Variants in CSMD1 observed in about 807,000 individuals in gnomAD.
The protein encoded by CSMD1 is CUB and sushi domain-containing protein 1.
A neutral mutation model predicts 417.5 loss-of-function variants in CSMD1; 213 were observed. The observed-to-expected ratio is 0.51, with a 90% CI of 0.46 to 0.57. The LOEUF is 0.57. Among genes scored for constraint, CSMD1 ranks in the 20% least tolerant of loss-of-function variants. The pLI is 0.00. For missense variants in CSMD1, 6,923 were observed against 4,529.7 expected (o/e 1.53, Z -15.17); for synonymous variants, 2,862 against 1,736.8 (o/e 1.65, Z -16.11).
chr8:3,772,643 A>T (rs796800540), intron 5 of CSMD1, among the ~76,000 whole-genome samples: 1 of 74,536 alleles, frequency 1.3e-5, no homozygotes, highest in African/African-American at 8.7e-5. Context: ...ATTTATATAC[A>T]TATATACATA....
chr8:3,678,036 T>G (rs531022067), intron 7 of CSMD1, among the ~76,000 whole-genome samples: 1 of 152,222 alleles, frequency 6.6e-6, no homozygotes, highest in Admixed American at 6.5e-5. Flanking sequence ...TGTCAATATT[T>G]AAAGACAGTG....
chr8:4,637,826 G>A (rs961347212), intron 1 of CSMD1, among the ~76,000 whole-genome samples: 47 of 151,500 alleles, frequency 3.1e-4, no homozygotes, highest in Admixed American at 9.2e-4. Flanking sequence ...GCCCGCCACC[G>A]CGCCCGGCTA....
intron 3 of CSMD1, among the ~76,000 whole-genome samples, chr8:4,125,947 G>A (rs1348721695): frequency 6.6e-6 from 1 of 152,060 alleles, no homozygotes; most frequent in African/African-American, 2.4e-5. Context: ...TGCTTCTGGG[G>A]ATCACATTAC....
intron 51 of CSMD1, among the ~76,000 whole-genome samples, chr8:3,026,528 C>T (rs1335826121): frequency 1.3e-5 from 2 of 151,588 alleles, no homozygotes; most frequent in Admixed American, 1.3e-4. Flanking sequence ...CACTCAGCCT[C>T]ACGGGGCCTG....
intron 2 of CSMD1, among the ~76,000 whole-genome samples, chr8:4,607,376 G>T (rs887158753): frequency 1.3e-5 from 2 of 152,224 alleles, no homozygotes; most frequent in South Asian, 2.1e-4. Flanking sequence ...GGAATAATAC[G>T]GAGTAGTTGC....
intron 12 of CSMD1, among the ~76,000 whole-genome samples, chr8:3,419,305 C>T (rs1446851683): frequency 1.3e-5 from 2 of 152,062 alleles, no homozygotes; most frequent in East Asian, 3.9e-4. Context: ...CTGTAAACTT[C>T]AAAAATAAAA....
intron 2 of CSMD1, among the ~76,000 whole-genome samples, chr8:4,421,427 T>G (rs1222948190): frequency 2.0e-5 from 3 of 152,048 alleles, no homozygotes; most frequent in Non-Finnish European, 2.9e-5. Context: ...TAAACCATAT[T>G]CGAGGCCATA....
intron 52 of CSMD1, among the ~76,000 whole-genome samples, chr8:3,003,519 T>C (rs187665510): frequency 2.6e-5 from 4 of 152,366 alleles, no homozygotes; most frequent in Admixed American, 2.0e-4. Context: ...CACTGGGCAG[T>C]CATGTCCTTT....
At chr8:4,515,297 G>A (rs1330777860) in intron 2 of CSMD1, among the ~76,000 whole-genome samples, 2 of 152,198 alleles carry the variant, frequency 1.3e-5, no homozygotes, top group African/African-American at 4.8e-5. Flanking sequence ...TGTGGCTCAT[G>A]TACTCAGAGA....
At chr8:4,265,590 T>C (rs1433899267) in intron 3 of CSMD1, among the ~76,000 whole-genome samples, 1 of 105,278 alleles carries the variant, frequency 9.5e-6, no homozygotes, top group Non-Finnish European at 2.6e-5. Context: ...TTTTATGGAA[T>C]ACAAAACAAG....
chr8:3,207,539 T>G (rs1401680892), intron 30 of CSMD1, among the ~76,000 whole-genome samples: 1 of 152,192 alleles, frequency 6.6e-6, no homozygotes, highest in African/African-American at 2.4e-5. Context: ...TATTAATTGA[T>G]GGACAGAACA....
At chr8:4,320,999 T>C (rs749049299) in intron 3 of CSMD1, among the ~76,000 whole-genome samples, 1 of 152,186 alleles carries the variant, frequency 6.6e-6, no homozygotes, top group African/African-American at 2.4e-5. Context: ...TACCAGTTTC[T>C]CTGTAAATTA....
intron 54 of CSMD1, among the ~76,000 whole-genome samples, chr8:2,992,347 A>G (rs1806470036): frequency 6.6e-6 from 1 of 152,180 alleles, no homozygotes. Context: ...TGGTTGCACA[A>G]CATGGTCATG....
rs1376755983 is a variant in CSMD1 at position 3,109,060 on chromosome 8, T to G, written c.6609-312A>C. 2.6e-5 allele frequency among the ~76,000 whole-genome samples: 4 copies of G among 151,396 alleles called. No homozygotes were observed. In the East Asian group the frequency reaches 7.8e-4, roughly 30 times the overall value. On this transcript the variant is annotated intron_variant, in intron 43 of 69. Coordinates refer to ENST00000635120, the MANE Select transcript of CSMD1 (RefSeq NM_033225.6). ...CAGGCAGATCACCTGAGGTCAGGAGTTTGAGACCAGCCTGGCCAACATGGT... is the reference window on the plus strand; with the variant it reads ...CAGGCAGATCACCTGAGGTCAGGAGGTTGAGACCAGCCTGGCCAACATGGT...
At chr8:3,855,263 A>G (rs1172512773) in intron 5 of CSMD1, among the ~76,000 whole-genome samples, 1 of 152,204 alleles carries the variant, frequency 6.6e-6, no homozygotes, top group Non-Finnish European at 1.5e-5. Flanking sequence ...TTTTTACTAT[A>G]TTGCATACAA....
At chr8:3,103,176 G>A (rs34007075) in intron 46 of CSMD1, among the ~76,000 whole-genome samples, 18,787 of 152,218 alleles carry the variant, frequency 0.12, 1,535 homozygotes, top group Non-Finnish European at 0.18. Context: ...TATAGCTAAG[G>A]AGGTACATAA....
intron 3 of CSMD1, among the ~76,000 whole-genome samples, chr8:4,245,671 G>C (rs1000194556): frequency 2.0e-5 from 3 of 151,968 alleles, no homozygotes; most frequent in African/African-American, 7.2e-5. Context: ...TACCCCATAT[G>C]AATGACAATT....
intron 12 of CSMD1, among the ~76,000 whole-genome samples, chr8:3,428,298 T>C (rs1813987370): frequency 6.6e-6 from 1 of 152,190 alleles, no homozygotes; most frequent in South Asian, 2.1e-4. Context: ...CAGCCAGAAC[T>C]GCTTCCTTAT....
chr8:3,241,310 C>T (rs142602774), intron 26 of CSMD1, among the ~76,000 whole-genome samples: 106,602 of 149,174 alleles, frequency 0.71, 40,037 homozygotes, highest in Non-Finnish European at 0.83. Context: ...ATACCCACAA[C>T]AGTTATGGAG....
Sources: gnomAD v4.1 joint callset for allele counts (sites outside exome capture counted in the v4.1 genomes callset) on GRCh38, gnomAD v4.1.1 for gene constraint, MANE v1.5 for transcripts, NCBI Gene and HGNC (gene_info 2026-07-23, HGNC 2026-07-21) for gene names.